Variants in WASHC2A observed in about 807,000 individuals in gnomAD.
WASHC2A encodes the protein WASH complex subunit 2A.
WASHC2A carries 82 observed loss-of-function variants against 140.3 expected under a neutral mutation model. The observed-to-expected ratio is 0.58, with a 90% confidence interval of 0.49 to 0.70. WASHC2A has a LOEUF of 0.70. Among genes scored for constraint, WASHC2A ranks in the 30% least tolerant of loss-of-function variants. The probability of loss-of-function intolerance (pLI) is 0.00; values close to 1 mark genes in which losing one functional copy is unlikely to be tolerated. For missense variants in WASHC2A, 985 were observed against 1,521.8 expected (o/e 0.65, Z 5.87); for synonymous variants, 340 against 560.8 (o/e 0.61, Z 5.56).
intron 19 of WASHC2A, among the ~76,000 whole-genome samples, chr10:50,108,903 A>C (rs1358213881): frequency 1.3e-5 from 2 of 151,184 alleles, no homozygotes; most frequent in African/African-American, 4.9e-5. Flanking sequence ...AAAAAAAAAA[A>C]AAAAAAAAAG....
At position 50,120,569 on chromosome 10, in the gene WASHC2A, G is replaced by A. The variant is rs1450056934; in HGVS notation, c.2478+800G>A. On this transcript the variant is annotated intron_variant, in intron 23 of 30. Coordinates refer to ENST00000282633, the MANE Select transcript of WASHC2A (RefSeq NM_001005751.3). ...AGGAAGTCAGAGGTTGTAGTGAGCCGAGATCGCACCACTGCACTCCAGTGT... is the reference window on the plus strand; with the variant it reads ...AGGAAGTCAGAGGTTGTAGTGAGCCAAGATCGCACCACTGCACTCCAGTGT... Among the ~76,000 whole-genome samples, 12 of 111,976 alleles carry A rather than the reference G, an allele frequency of 1.1e-4. 2 individuals are homozygous for A. The highest frequency in any genetic ancestry group is 3.0e-4 in the African/African-American group (8 of 26,886). The allele number at this position is 111,976 out of a possible 152,430, so 73.5% of individuals were successfully genotyped here. A position where few individuals can be genotyped will look rare whatever the true frequency, so the allele number is the denominator to read the frequency against.
intron 1 of WASHC2A, 28 bp downstream of exon 1, chr10:50,068,036 G>C: frequency 6.2e-7 from 1 of 1,607,658 alleles, no homozygotes; most frequent in Non-Finnish European, 8.5e-7. Context: ...GAGAGAGGCC[G>C]GCCTGGGCTG....
At chr10:50,098,158 AG>A (rs1416875102) in intron 16 of WASHC2A, among the ~76,000 whole-genome samples, 1 of 152,122 alleles carries the variant, frequency 6.6e-6, no homozygotes, top group Non-Finnish European at 1.5e-5. Flanking sequence ...CTTCCATATA[AG>A]CGCAATGCCA....
At chr10:50,116,613 T>C (rs1226199738) in intron 21 of WASHC2A, among the ~76,000 whole-genome samples, 1 of 150,816 alleles carries the variant, frequency 6.6e-6, no homozygotes, top group Admixed American at 6.6e-5. Flanking sequence ...GTGCCCGGCC[T>C]GCACTGAATT....
intron 21 of WASHC2A, among the ~76,000 whole-genome samples, chr10:50,114,794 C>T (rs1348980139): frequency 5.8e-5 from 1 of 17,186 alleles, no homozygotes; most frequent in Admixed American, 7.3e-4. Context: ...GGAAGAAGAC[C>T]CTTCCTGTTA....
chr10:50,098,774 C>T (rs1442362872), intron 16 of WASHC2A, among the ~76,000 whole-genome samples: 19 of 146,482 alleles, frequency 1.3e-4, no homozygotes, highest in East Asian at 2.0e-4. Flanking sequence ...GAATGTGTCT[C>T]GTGAATTTGC....
At chr10:50,072,375 G>A (rs1230081748) in intron 3 of WASHC2A, among the ~76,000 whole-genome samples, 2 of 151,578 alleles carry the variant, frequency 1.3e-5, no homozygotes, top group Middle Eastern at 3.4e-3. Flanking sequence ...ACATGCTATA[G>A]GTTTTTTTAA....
intron 26 of WASHC2A, chr10:50,126,458 T>A (rs1843438157): frequency 3.6e-6 from 1 of 276,578 alleles, no homozygotes; most frequent in African/African-American, 2.2e-5. Context: ...AGAATCTTCT[T>A]CCCACTAAAG....
chr10:50,100,977 G>GA, intron 17 of WASHC2A, among the ~76,000 whole-genome samples: 1 of 152,312 alleles, frequency 6.6e-6, no homozygotes. Context: ...CCCTTTTACA[G>GA]AAAAATATGT....
chr10:50,114,779 G>T (rs1239455849), intron 21 of WASHC2A, among the ~76,000 whole-genome samples: 2 of 26,678 alleles, frequency 7.5e-5, no homozygotes, highest in South Asian at 2.1e-3. Context: ...ATATCTAGGA[G>T]ATATGGAAGA....
intron 13 of WASHC2A, among the ~76,000 whole-genome samples, chr10:50,094,327 G>GTTTTTT (rs1840231327): frequency 6.9e-6 from 1 of 145,618 alleles, no homozygotes; most frequent in African/African-American, 2.6e-5. Context: ...TTTGTTTTTT[G>GTTTTTT]TTTTTGTATT....
chr10:50,080,798 A>T lies in WASHC2A; in HGVS notation c.395A>T (p.Lys132Ile). ...CAGAAAGAAGTAGATCTCATTCCTA[A>T]AGTCCAGGAGGCTGTGAACTATGGC... is the stretch of plus-strand genomic sequence containing the variant. ...REQKEVDLIP[K>I]VQEAVNYGLQ... Residue 132 changes from lysine (K) to isoleucine (I), a missense_variant, in exon 5 of 31, where the codon AAA (lysine) becomes ATA (isoleucine). Transcript: ENST00000282633. 1 of 497,466 alleles carries T rather than the reference A, an allele frequency of 2.0e-6. No homozygotes were observed. Among genetic ancestry groups the T allele is most frequent in the South Asian group, 2.2e-5 (1 of 46,290 alleles). 30.8% of individuals were successfully genotyped at this position (497,466 alleles called of 1,614,324 possible).
intron 25 of WASHC2A, 63 bp downstream of exon 25, chr10:50,125,512 G>A (rs1843351223): frequency 9.9e-6 from 16 of 1,610,898 alleles, no homozygotes; most frequent in East Asian, 4.5e-5. Flanking sequence ...GGAAACTAAC[G>A]TCCAGTTAGA....
At chr10:50,069,486 GT>G (rs1837600935) in intron 2 of WASHC2A, 60 bp from the exon 3 acceptor site, 2 of 1,519,508 alleles carry the variant, frequency 1.3e-6, no homozygotes, top group Non-Finnish European at 1.8e-6. Flanking sequence ...CTTTTTTGAT[GT>G]GACATGCAGA....
intron 20 of WASHC2A, chr10:50,112,394 CAAG>C (rs1446689830): frequency 6.0e-5 from 20 of 334,228 alleles, no homozygotes; most frequent in African/African-American, 1.0e-4. Flanking sequence ...TTTACACACA[CAAG>C]AAGAAGTTGA....
At chr10:50,103,429 A>G (rs376030337) in intron 17 of WASHC2A, among the ~76,000 whole-genome samples, 4,088 of 152,098 alleles carry the variant, frequency 0.027, 167 homozygotes, top group African/African-American at 0.091. Context: ...GCGTGGTGGC[A>G]GGCGCCTGTA....
chr10:50,069,566 A>T lies in WASHC2A; in HGVS notation c.146A>T (p.Glu49Val). 6.2e-7 allele frequency: 1 copy of T among 1,613,462 alleles called. No individual in the cohort carries two copies. The highest frequency in any genetic ancestry group is 8.5e-7 in the Non-Finnish European group (1 of 1,179,754). Residue 49 changes from glutamate (E) to valine (V), a missense_variant, in exon 3 of 31, where the codon GAA (glutamate) becomes GTA (valine). Coordinates refer to ENST00000282633, the MANE Select transcript of WASHC2A (RefSeq NM_001005751.3). The stretch of plus-strand genomic sequence containing the variant: ...AAATAGCTACTACAGTTTCTACAGG[A>T]ATTCTCACAGCAAACTATCTCTAGG... ...ADAGLLQFLQ[E>V]FSQQTISRTH...
chr10:50,130,098 C>T, intron 29 of WASHC2A, 59 bp downstream of exon 29: 2 of 1,605,964 alleles, frequency 1.2e-6, no homozygotes, highest in Non-Finnish European at 1.7e-6. Context: ...ATCTGATTGG[C>T]TTATTTGAGC....
intron 3 of WASHC2A, among the ~76,000 whole-genome samples, chr10:50,073,357 G>C (rs1838029279): frequency 6.6e-6 from 1 of 152,076 alleles, no homozygotes; most frequent in South Asian, 2.1e-4. Context: ...TGAAAAGCCA[G>C]ATCTTGGCAA....
Sources: allele counts gnomAD v4.1 joint callset (sites outside exome capture counted in the v4.1 genomes callset), GRCh38; gene constraint gnomAD v4.1.1; transcripts MANE v1.5; gene names NCBI Gene and HGNC (gene_info 2026-07-23, HGNC 2026-07-21).